Variants in PCGF3 observed in about 807,000 individuals in gnomAD.
The protein encoded by PCGF3 is polycomb group ring finger 3.
A neutral mutation model predicts 33.1 loss-of-function variants in PCGF3; 7 were observed. That is an observed-to-expected ratio of 0.21 (90% CI 0.12 to 0.40). The LOEUF is 0.40. Ranked by LOEUF, PCGF3 falls within the 10% of genes least tolerant of loss-of-function variation. The pLI, the probability that PCGF3 is intolerant of heterozygous loss-of-function variation, is 1.00. For missense variants in PCGF3, 211 were observed against 313.3 expected, an observed-to-expected ratio of 0.67 and a Z score of 2.46; for synonymous variants, 153 against 121.3, an observed-to-expected ratio of 1.26 and a Z score of -1.72.
At chr4:733,721 A>C in exon 4 of PCGF3, 1 of 1,611,572 alleles carries the variant, frequency 6.2e-7, no homozygotes, top group Non-Finnish European at 8.5e-7. Context: ...ATCAACGCCC[A>C]CATCACCTGC....
At chr4:761,840 GCCAGT>G (rs1056961662) in intron 9 of PCGF3, 48 of 985,322 alleles carry the variant, frequency 4.9e-5, no homozygotes, top group Non-Finnish European at 4.7e-5. Context: ...CCATGAACAT[GCCAGT>G]GTGGGTCCCT....
intron 4 of PCGF3, chr4:734,377 T>G (rs1743746423): frequency 1.4e-6 from 2 of 1,403,380 alleles, no homozygotes; most frequent in Non-Finnish European, 1.9e-6. Context: ...TGGGGAGCAT[T>G]TTGTTTAAAC....
intron 1 of PCGF3, among the ~76,000 whole-genome samples, chr4:719,154 CATGTTG>C (rs1742975743): frequency 6.6e-6 from 1 of 152,076 alleles, no homozygotes; most frequent in Non-Finnish European, 1.5e-5. Context: ...GGTGTTTCAC[CATGTTG>C]GTCAGGCTGG....
At chr4:762,118 C>T (rs774412871) in intron 9 of PCGF3, 5 of 982,968 alleles carry the variant, frequency 5.1e-6, no homozygotes, top group Non-Finnish European at 4.8e-6. Flanking sequence ...TCAGTGGTGG[C>T]CCCAGAAGAT....
At chr4:766,250 A>ATTT in exon 11 of PCGF3, 1 of 593,198 alleles carries the variant, frequency 1.7e-6, no homozygotes, top group South Asian at 2.0e-5. Context: ...TACCAGCACC[A>ATTT]CGTTTACAGA....
At position 744,626 on chromosome 4, in the gene PCGF3, A is replaced by C. The variant is rs573005305; in HGVS notation, c.400A>C (p.Asn134His). ...TGAAACCAAAGCAGACGACAGTTCAAACAAAGAGGCCGCGGAGGAGAAGCC... is the reference window on the plus strand; with the variant it reads ...TGAAACCAAAGCAGACGACAGTTCACACAAAGAGGCCGCGGAGGAGAAGCC... Residue 134 changes from asparagine to histidine, a missense_variant, in exon 8 of 11, where the codon AAC (asparagine) becomes CAC (histidine). Physicochemically the swap from Asn to His is moderately conservative, Grantham distance 68 (BLOSUM62 1). Around this residue, in one of 3 missense-constraint regions of PCGF3, gnomAD observed 95 missense variants for 83.0 expected, o/e 1.14. Transcript: ENST00000362003. 6.7e-5 allele frequency: 104 copies of C among 1,560,770 alleles called. 1 individual carries two copies. The South Asian group carries it at 1.1e-3, about 17-fold the overall frequency.
chr4:733,315 TGCTCCTTCC>T (rs1020422011), intron 3 of PCGF3, among the ~76,000 whole-genome samples: 22 of 152,262 alleles, frequency 1.4e-4, no homozygotes, highest in Non-Finnish European at 3.2e-4. Context: ...GGGCTCCTCC[TGCTCCTTCC>T]GCTTTCACAG....
chr4:708,171 A>G (rs1742416972), intron 1 of PCGF3, among the ~76,000 whole-genome samples: 1 of 152,090 alleles, frequency 6.6e-6, no homozygotes, highest in African/African-American at 2.4e-5. Flanking sequence ...GGCTCATGAC[A>G]TGGACAGGCT....
At chr4:741,155 G>A (rs1201211685) in intron 6 of PCGF3, among the ~76,000 whole-genome samples, 1 of 152,208 alleles carries the variant, frequency 6.6e-6, no homozygotes, top group Admixed American at 6.5e-5. Flanking sequence ...TCACAGGAAA[G>A]CAGTATTTAG....
At chr4:734,364 G>A in intron 4 of PCGF3, 1 of 1,410,698 alleles carries the variant, frequency 7.1e-7, no homozygotes. Context: ...GTCTCTTGAT[G>A]GCTGGGGAGC....
intron 8 of PCGF3, among the ~76,000 whole-genome samples, chr4:755,904 CTTTTTTTTTTTTTTTT>C (rs570528684): frequency 4.6e-4 from 40 of 87,200 alleles, no homozygotes; most frequent in African/African-American, 6.6e-4. Context: ...CAGAATTGTC[CTTTTTTTTTTTTTTTT>C]TTTTTTTTTT....
chr4:723,181 TC>T (rs951553803), intron 1 of PCGF3, among the ~76,000 whole-genome samples: 67 of 152,146 alleles, frequency 4.4e-4, no homozygotes, highest in Non-Finnish European at 1.0e-4. Flanking sequence ...GTCATCGCCA[TC>T]CGCGCGGGGA....
intron 1 of PCGF3, among the ~76,000 whole-genome samples, chr4:713,695 G>A (rs963041090): frequency 2.6e-5 from 4 of 152,164 alleles, no homozygotes; most frequent in African/African-American, 7.2e-5. Context: ...AACAGTAACC[G>A]GAAGCTGATC....
chr4:754,389 G>A (rs1434911960), intron 8 of PCGF3, among the ~76,000 whole-genome samples: 9 of 152,240 alleles, frequency 5.9e-5, no homozygotes, highest in Admixed American at 2.6e-4. Flanking sequence ...CCTGCTGCAC[G>A]CCTGCTGGAA....
chr4:733,304 C>T (rs551234956), intron 3 of PCGF3, among the ~76,000 whole-genome samples: 3 of 152,374 alleles, frequency 2.0e-5, no homozygotes, highest in Admixed American at 6.5e-5. Flanking sequence ...TCTGCCTTCG[C>T]GGGCTCCTCC....
intron 10 of PCGF3, among the ~76,000 whole-genome samples, chr4:765,775 C>T (rs1278459516): frequency 6.6e-6 from 1 of 152,078 alleles, no homozygotes; most frequent in African/African-American, 2.4e-5. Context: ...ACATCAGGTA[C>T]AGGTGGCCAC....
intron 5 of PCGF3, 106 bp from the exon 6 acceptor site, chr4:737,360 A>G: frequency 1.3e-6 from 1 of 753,884 alleles, no homozygotes; most frequent in African/African-American, 1.8e-5. Flanking sequence ...ATTCCAACAA[A>G]GCTCCAGACT....
chr4:718,799 A>G (rs370355309), intron 1 of PCGF3, among the ~76,000 whole-genome samples: 36 of 152,288 alleles, frequency 2.4e-4, no homozygotes, highest in Middle Eastern at 3.4e-3. Context: ...GGGCTGGGCC[A>G]TGGGGGAGGC....
In PCGF3 at chr4:724,343, T is replaced by C. The variant is rs534444396; in HGVS notation, c.-189-6287T>C. 2.0e-5 allele frequency among the ~76,000 whole-genome samples: 3 copies of C among 152,284 alleles called. No individual in the cohort carries two copies. In the South Asian group the frequency reaches 6.2e-4, roughly 32 times the overall value. ...CAGCCAGGTCAGGGGCTCAGTCCTG[T>C]GGGCCACCACAGCCGGCCGCACAGG... is the stretch of plus-strand genomic sequence containing the variant. On this transcript the variant is annotated intron_variant, in intron 1 of 10. Transcript: ENST00000362003.
Sources: allele counts gnomAD v4.1 joint callset (sites outside exome capture counted in the v4.1 genomes callset), GRCh38; gene constraint gnomAD v4.1.1; regional missense constraint gnomAD v4.1.1; transcripts MANE v1.5; gene names NCBI Gene and HGNC (gene_info 2026-07-23, HGNC 2026-07-21).